Variants in ZFPM1 observed in about 807,000 individuals in gnomAD.
ZFPM1 encodes the protein zinc finger protein, FOG family member 1, also known as zinc finger protein ZFPM1.
A neutral mutation model predicts 46.3 loss-of-function variants in ZFPM1; 28 were observed. That is an observed-to-expected ratio of 0.60 (90% confidence interval 0.45 to 0.83). The LOEUF (loss-of-function observed/expected upper bound fraction) is 0.83, where lower values mean the gene tolerates loss of function less well. Ranked by LOEUF, ZFPM1 falls within the 40% of genes least tolerant of loss-of-function variation. ZFPM1 has a pLI of 0.00. For missense variants in ZFPM1, 1,878 were observed against 1,432.4 expected (o/e 1.31, Z -5.02); for synonymous variants, 957 against 675.9 (o/e 1.42, Z -6.45).
intron 3 of ZFPM1, among the ~76,000 whole-genome samples, chr16:88,491,925 G>A (rs2142382900): frequency 6.6e-6 from 1 of 152,290 alleles, no homozygotes; most frequent in East Asian, 1.9e-4. Flanking sequence ...TGCGTCGATG[G>A]CCAGCAGGGT....
intron 1 of ZFPM1, among the ~76,000 whole-genome samples, chr16:88,454,580 G>A (rs1907451175): frequency 1.3e-5 from 2 of 152,244 alleles, no homozygotes; most frequent in Admixed American, 1.3e-4. Flanking sequence ...GTCAGAGGCT[G>A]CTGCCCCGCC....
At position 88,533,989 on chromosome 16, in the gene ZFPM1, GGAC is replaced by G; in HGVS notation, c.2035_2037del (p.Asp679del). ...CGGGTAGCTCCGTGGACGACGCGGA[GGAC>G]GACCCCAGCCGCACGCTGTGCGAGG... On this transcript the variant is annotated inframe_deletion, in exon 10 of 10. Coordinates refer to ENST00000319555, the MANE Select transcript of ZFPM1 (RefSeq NM_153813.3). 1 of 1,363,674 alleles carries G rather than the reference GGAC, an allele frequency of 7.3e-7. No homozygotes were observed. Among genetic ancestry groups the G allele is most frequent in the Non-Finnish European group, 9.6e-7 (1 of 1,042,522 alleles). The allele number at this position is 1,363,674 out of a possible 1,614,324, so 84.5% of individuals were successfully genotyped here.
intron 3 of ZFPM1, among the ~76,000 whole-genome samples, chr16:88,502,819 G>C (rs547508855): frequency 6.6e-6 from 1 of 152,242 alleles, no homozygotes; most frequent in Non-Finnish European, 1.5e-5. Flanking sequence ...GTCTTGCCAC[G>C]TTTCTTCCAG....
At chr16:88,455,584 C>G (rs1567523440) in intron 1 of ZFPM1, among the ~76,000 whole-genome samples, 1 of 150,652 alleles carries the variant, frequency 6.6e-6, no homozygotes, top group South Asian at 2.1e-4. Context: ...GCGGCCGGGC[C>G]GCGAGTGCAG....
At chr16:88,523,387 G>C (rs1021052013) in intron 4 of ZFPM1, among the ~76,000 whole-genome samples, 1 of 152,190 alleles carries the variant, frequency 6.6e-6, no homozygotes, top group East Asian at 1.9e-4. Context: ...CAGCCCCTCC[G>C]CAAGGGAAGC....
rs865785679 is a variant in ZFPM1, at chr16:88,460,973, G to T, written c.40+7295G>T. Among the ~76,000 whole-genome samples the T allele has an allele frequency of 1.8e-3, 135 of 76,454 alleles. 4 individuals are homozygous for T. Among genetic ancestry groups the T allele is most frequent in the African/African-American group, 7.9e-3 (110 of 13,976 alleles). 50.2% of individuals were successfully genotyped at this position (76,454 alleles called of 152,430 possible). ...AGGGGCGGGGCGGGAGGCCTGGTGA[G>T]GACCGAGGGGAGGGGCGGGAGGCCT... On this transcript the variant is annotated intron_variant, in intron 1 of 9. Transcript: ENST00000319555.
chr16:88,521,730 C>T (rs1911909480), intron 4 of ZFPM1, among the ~76,000 whole-genome samples: 1 of 104,402 alleles, frequency 9.6e-6, no homozygotes, highest in Non-Finnish European at 2.0e-5. Context: ...TCCCCCTCCC[C>T]TGTGCTGTTC....
At chr16:88,520,806 T>G (rs1597275089) in intron 4 of ZFPM1, among the ~76,000 whole-genome samples, 1 of 60,760 alleles carries the variant, frequency 1.6e-5, no homozygotes, top group African/African-American at 6.8e-5. Context: ...GATGGATGGG[T>G]GGGTGGATGG....
intron 5 of ZFPM1, 74 bp from the exon 6 acceptor site, chr16:88,527,958 C>T (rs1912476454): frequency 2.8e-6 from 4 of 1,426,910 alleles, no homozygotes; most frequent in Middle Eastern, 2.4e-4. Context: ...TGACCCCATC[C>T]TCTGCCCCTT....
chr16:88,536,855 A>G lies in ZFPM1; in HGVS notation c.*1876A>G, dbSNP rs1367996495. 6.6e-6 allele frequency: 1 copy of G among 152,232 alleles called. No homozygotes were observed. The highest frequency in any genetic ancestry group is 1.5e-5 in the Non-Finnish European group (1 of 68,050). The allele number at this position is 152,232 out of a possible 1,614,324, so 9.4% of individuals were successfully genotyped here. ...AGGCACGGACCCCTCAAGTCTGCTC[A>G]TCATTTGCATTGTTGTGCATGAATT... On this transcript the variant is annotated 3_prime_UTR_variant, in exon 10 of 10. Transcript: ENST00000319555.
At chr16:88,482,830 G>A (rs543065800) in intron 1 of ZFPM1, among the ~76,000 whole-genome samples, 47 of 152,304 alleles carry the variant, frequency 3.1e-4, no homozygotes, top group African/African-American at 8.4e-4. Flanking sequence ...GGGAGGAGCC[G>A]GGCTGAGCTG....
Position 88,471,124 on chromosome 16 carries a change from C to T in ZFPM1, c.41-14815C>T, listed in dbSNP as rs1908398766. ...GCGAGGGGGCCGGGAGGAGGAAAGCCCAGCTCCCCTGCAGCCATGATAGAT... is the reference window on the plus strand; with the variant it reads ...GCGAGGGGGCCGGGAGGAGGAAAGCTCAGCTCCCCTGCAGCCATGATAGAT... On this transcript the variant is annotated intron_variant, in intron 1 of 9. Coordinates refer to ENST00000319555, the MANE Select transcript of ZFPM1 (RefSeq NM_153813.3). This position sits in a 1 kb window ranked among gnomAD's most constrained non-coding sequence, Gnocchi z 4.1. 6.6e-6 allele frequency among the ~76,000 whole-genome samples: 1 copy of T among 152,166 alleles called. No individual in the cohort carries two copies.
chr16:88,473,658 T>G (rs1908529925), intron 1 of ZFPM1, among the ~76,000 whole-genome samples: 1 of 151,960 alleles, frequency 6.6e-6, no homozygotes, highest in Non-Finnish European at 1.5e-5. Flanking sequence ...CCCCGCCCCA[T>G]CTATCAGCCC....
chr16:88,494,358 G>A (rs114267949), intron 3 of ZFPM1, among the ~76,000 whole-genome samples: 245 of 152,224 alleles, frequency 1.6e-3, no homozygotes, highest in African/African-American at 5.7e-3. Flanking sequence ...TACCCTCTCA[G>A]CACCAGGGAG....
rs2142403077 is a variant in ZFPM1 at position 88,502,011 on chromosome 16, T to C, written c.269-12376T>C. On this transcript the variant is annotated intron_variant, in intron 3 of 9. Coordinates refer to ENST00000319555, the MANE Select transcript of ZFPM1 (RefSeq NM_153813.3). ...GCCCTGCAAACGCCCCAACCCATGG[T>C]TTAACACTCCTAGTAGCTCCTCCAC... Among the ~76,000 whole-genome samples, 2 of 151,814 alleles carry C rather than the reference T, an allele frequency of 1.3e-5. 1 individual carries two copies. Among genetic ancestry groups the C allele is most frequent in the African/African-American group, 4.8e-5 (2 of 41,358 alleles).
In ZFPM1 at chr16:88,535,858, G is replaced by A. The variant is rs35253951; in HGVS notation, c.*879G>A. 10,596 of 151,954 alleles carry A rather than the reference G, an allele frequency of 0.07. 456 individuals carry two copies. Among genetic ancestry groups the A allele is most frequent in the South Asian group, 0.17 (821 of 4,762 alleles). The allele number at this position is 151,954 out of a possible 1,614,324, so 9.4% of individuals were successfully genotyped here. ...ACTGAGGGAGTACTTGGCTGACCGC[G>A]TTCAGCCACGGTGTCACCGTGCCGT... On this transcript the variant is annotated 3_prime_UTR_variant, in exon 10 of 10. Transcript: ENST00000319555.
intron 5 of ZFPM1, among the ~76,000 whole-genome samples, chr16:88,527,157 CG>C (rs924002244): frequency 1.6e-4 from 25 of 151,936 alleles, no homozygotes; most frequent in Admixed American, 1.3e-3. Flanking sequence ...GTGTCCGTGG[CG>C]GGGGGGTGGG....
At chr16:88,454,287 G>A (rs1907436213) in intron 1 of ZFPM1, among the ~76,000 whole-genome samples, 1 of 152,148 alleles carries the variant, frequency 6.6e-6, no homozygotes, top group Admixed American at 6.5e-5. Flanking sequence ...CGCAGCTGCC[G>A]CAGCCTAGGC....
Position 88,533,940 on chromosome 16 carries a change from G to A in ZFPM1, c.1982G>A (p.Arg661Gln). 2.4e-6 allele frequency: 3 copies of A among 1,265,230 alleles called. No homozygotes were observed. The highest frequency in any genetic ancestry group is 3.0e-6 in the Non-Finnish European group (3 of 985,396). 78.4% of individuals were successfully genotyped at this position (1,265,230 alleles called of 1,614,324 possible). The change falls in exon 10 of 10, where the codon CGG becomes CAG. Residue 661 changes from arginine to glutamine, a missense_variant. Physicochemically the swap from Arg to Gln is conservative, Grantham distance 43. Coordinates refer to ENST00000319555, the MANE Select transcript of ZFPM1 (RefSeq NM_153813.3). ...ACGCCCGAGGACGGCGCGGGCGGCC[G>A]GGGCAGCGAGGGCAGCCAGAGCCCG... is the stretch of plus-strand genomic sequence containing the variant. Reference protein sequence around the residue: ...AATPEDGAGGRGSEGSQSPGS... With the variant: ...AATPEDGAGGQGSEGSQSPGS...
Sources: gnomAD v4.1 joint callset for allele counts (sites outside exome capture counted in the v4.1 genomes callset) on GRCh38, gnomAD v4.1.1 for gene constraint, Gnocchi (gnomAD v3.1) non-coding constraint, MANE v1.5 for transcripts, NCBI Gene and HGNC (gene_info 2026-07-23, HGNC 2026-07-21) for gene names.